MYO9A: variants seen among roughly 807,000 people sequenced by gnomAD.
MYO9A encodes unconventional myosin-IXa.
Under a neutral mutation model 293.3 loss-of-function variants are expected in MYO9A, and 103 were observed. The ratio of observed to expected loss-of-function variants is 0.35; its 90% CI spans 0.30 to 0.41. The LOEUF (loss-of-function observed/expected upper bound fraction) is 0.41, where lower values mean the gene tolerates loss of function less well. MYO9A is among the 10% of genes least tolerant of loss of function. The probability of loss-of-function intolerance (pLI) is 1.00; values close to 1 mark genes in which losing one functional copy is unlikely to be tolerated. For missense variants in MYO9A, 2,685 were observed against 3,033.0 expected, an observed-to-expected ratio of 0.89 and a Z score of 2.69; for synonymous variants, 1,001 against 1,035.7, an observed-to-expected ratio of 0.97 and a Z score of 0.64.
At position 72,046,087 on chromosome 15, in the gene MYO9A, C is replaced by T. The variant is rs970889143; in HGVS notation, c.477G>A (p.Glu159=). The T allele has an allele frequency of 1.2e-6, 2 of 1,613,654 alleles. No homozygotes were observed. Among genetic ancestry groups the T allele is most frequent in the East Asian group, 2.2e-5 (1 of 44,892 alleles). ...TTCGTAGGTTTTCTAAGAGAGTTTT[C>T]TCATTCAAATCAGGTAAACTACATA... is the stretch of plus-strand genomic sequence containing the variant. ...DDLCSLPDLN[E]KTLLENLRNR... Residue 159 remains glutamate, a synonymous_variant, in exon 2 of 42, where the codon GAG becomes GAA. Coordinates refer to ENST00000356056, the MANE Select transcript of MYO9A (RefSeq NM_006901.4).
At chr15:71,840,626 GCTTT>G (rs111734371) in intron 39 of MYO9A, among the ~76,000 whole-genome samples, 1 of 151,806 alleles carries the variant, frequency 6.6e-6, no homozygotes, top group African/African-American at 2.4e-5. Flanking sequence ...AGGTTTTAAG[GCTTT>G]CTTTTTTTGT....
Position 71,826,834 on chromosome 15 carries a change from C to T in MYO9A, c.7393G>A (p.Gly2465Ser). 1 of 1,614,134 alleles carries T rather than the reference C, an allele frequency of 6.2e-7. No homozygotes were observed. The highest frequency in any genetic ancestry group is 1.7e-5 in the Admixed American group (1 of 60,016). The change falls in exon 42 of 42, where the codon GGT becomes AGT. Residue 2465 changes from glycine (G) to serine (S), a missense_variant. Physicochemically the swap from Gly to Ser is moderately conservative, Grantham distance 56 (BLOSUM62 0). This residue lies in a region of MYO9A where 350 missense variants were observed against 328.9 expected (regional missense o/e 1.06). Coordinates refer to ENST00000356056, the MANE Select transcript of MYO9A (RefSeq NM_006901.4). ...SKSPFYRAAS[G>S]NEALGMEGPL... ...CCTTCCATTCCCAGGGCCTCATTAC[C>T]TGAGGCAGCTCGGTAGAATGGAGAT...
intron 1 of MYO9A, among the ~76,000 whole-genome samples, chr15:72,076,928 T>C (rs1232970733): frequency 1.3e-5 from 2 of 151,520 alleles, no homozygotes; most frequent in South Asian, 2.1e-4. Context: ...CCCACACAAA[T>C]ATAGTCACCT....
Position 71,978,180 on chromosome 15 carries a change from T to C in MYO9A, c.1835A>G (p.Glu612Gly). 4.3e-6 allele frequency: 7 copies of C among 1,611,588 alleles called. No individual in the cohort carries two copies. Among genetic ancestry groups the C allele is most frequent in the Non-Finnish European group, 5.9e-6 (7 of 1,179,340 alleles). ...KPTGLLHLLD[E>G]ESNFPQATNQ... ...AAAGAATCACACTCACTTGCTTTCT[T>C]CATCCAAAAGATGAAGCAGTCCTGT... The change falls in exon 12 of 42, where the codon GAA (glutamate) becomes GGA (glycine). Residue 612 changes from glutamate to glycine, a missense_variant. Around this residue, in one of 10 missense-constraint regions of MYO9A, gnomAD observed 201 missense variants for 245.2 expected, o/e 0.82. Coordinates refer to ENST00000356056, the MANE Select transcript of MYO9A (RefSeq NM_006901.4).
intron 2 of MYO9A, among the ~76,000 whole-genome samples, chr15:72,037,008 T>G (rs62025614): frequency 0.024 from 3,641 of 151,162 alleles, 84 homozygotes; most frequent in Non-Finnish European, 0.034. Context: ...GCTGGGATTA[T>G]AAGCATGAGC....
At chr15:71,924,733 C>G (rs773675206) in intron 18 of MYO9A, among the ~76,000 whole-genome samples, 2 of 151,820 alleles carry the variant, frequency 1.3e-5, no homozygotes, top group Non-Finnish European at 1.5e-5. Context: ...CCAGCCTGAC[C>G]AACATGGTGA....
chr15:72,069,280 GT>G lies in MYO9A; in HGVS notation c.-71-22647del, dbSNP rs1386178211. On this transcript the variant is annotated intron_variant, in intron 1 of 41. Transcript: ENST00000356056. ...TCCTAAGGAAAGCTTCTTTGTAGTA[GT>G]GACTCTTGAGGTTAACCTTGCCACT... Among the ~76,000 whole-genome samples the G allele has an allele frequency of 2.0e-5, 3 of 152,276 alleles. No individual in the cohort carries two copies. In the East Asian group the frequency reaches 5.8e-4, roughly 29 times the overall value.
intron 34 of MYO9A, among the ~76,000 whole-genome samples, chr15:71,855,234 C>G (rs2055817550): frequency 6.6e-6 from 1 of 152,222 alleles, no homozygotes; most frequent in Non-Finnish European, 1.5e-5. Context: ...CTCCCAGGTT[C>G]AAGCGATTCT....
chr15:72,024,582 T>G (rs2077606803), intron 4 of MYO9A, among the ~76,000 whole-genome samples: 1 of 152,192 alleles, frequency 6.6e-6, no homozygotes, highest in South Asian at 2.1e-4. Flanking sequence ...CTATTTTTTA[T>G]GTATAACACT....
intron 10 of MYO9A, chr15:71,993,803 C>T (rs1217640667): frequency 6.6e-6 from 1 of 152,084 alleles, no homozygotes; most frequent in African/African-American, 2.4e-5. Flanking sequence ...GACCCTGTCT[C>T]TACTAAAAAT....
intron 39 of MYO9A, among the ~76,000 whole-genome samples, chr15:71,844,588 C>G (rs1421147991): frequency 2.6e-5 from 4 of 152,084 alleles, no homozygotes; most frequent in Admixed American, 1.3e-4. Context: ...TCTCCTAAGA[C>G]TTTAAGAAGA....
intron 15 of MYO9A, among the ~76,000 whole-genome samples, chr15:71,947,889 G>A (rs1427267092): frequency 6.6e-6 from 1 of 152,174 alleles, no homozygotes; most frequent in African/African-American, 2.4e-5. Flanking sequence ...TCTGCCATCT[G>A]ATTCCTTCTT....
At chr15:71,853,804 G>T (rs1439387387) in intron 35 of MYO9A, among the ~76,000 whole-genome samples, 2 of 152,170 alleles carry the variant, frequency 1.3e-5, no homozygotes, top group Admixed American at 6.5e-5. Context: ...ATCAGTGTAG[G>T]CAGGCAAGAA....
chr15:71,941,103 T>C (rs987968627), intron 15 of MYO9A, among the ~76,000 whole-genome samples: 2 of 152,116 alleles, frequency 1.3e-5, no homozygotes, highest in African/African-American at 4.8e-5. Context: ...GATTAAAAAA[T>C]GAAGCCCTGT....
chr15:71,939,055 T>C, intron 15 of MYO9A, 128 bp from the exon 16 acceptor site: 2 of 644,706 alleles, frequency 3.1e-6, no homozygotes, highest in Non-Finnish European at 5.2e-6. Context: ...AATATCTAAA[T>C]AATTACATGA....
At chr15:72,055,758 T>C (rs2078700753) in intron 1 of MYO9A, among the ~76,000 whole-genome samples, 1 of 151,888 alleles carries the variant, frequency 6.6e-6, no homozygotes, top group South Asian at 2.1e-4. Context: ...AAAATAACAA[T>C]GTGATACCAC....
chr15:71,944,758 C>T (rs961207106), intron 15 of MYO9A, among the ~76,000 whole-genome samples: 2 of 152,086 alleles, frequency 1.3e-5, no homozygotes, highest in Non-Finnish European at 2.9e-5. Context: ...GTCTTAAAAT[C>T]ATATAATGTA....
chr15:71,882,634 A>C (rs1383270592), intron 28 of MYO9A, among the ~76,000 whole-genome samples: 1 of 152,044 alleles, frequency 6.6e-6, no homozygotes, highest in East Asian at 1.9e-4. Context: ...TTGTCTCTAA[A>C]ATTGAAAAAT....
chr15:72,092,950 T>C (rs2079963017), intron 1 of MYO9A, among the ~76,000 whole-genome samples: 1 of 150,056 alleles, frequency 6.7e-6, no homozygotes, highest in South Asian at 2.1e-4. Context: ...CACAGAGATT[T>C]GAGGCTCTAA....
Sources: gnomAD v4.1 joint callset for allele counts (sites outside exome capture counted in the v4.1 genomes callset) on GRCh38, gnomAD v4.1.1 for gene constraint, gnomAD v4.1.1 regional missense constraint, MANE v1.5 for transcripts, NCBI Gene and HGNC (gene_info 2026-07-23, HGNC 2026-07-21) for gene names.